The following CEP85L variants were observed in gnomAD, a reference collection of about 807,000 sequenced individuals.
CEP85L encodes centrosomal protein 85L.
CEP85L carries 60 observed loss-of-function variants against 100.3 expected under a neutral mutation model. That is an observed-to-expected ratio of 0.60 (90% CI 0.49 to 0.74). The LOEUF (loss-of-function observed/expected upper bound fraction) is 0.74. Among genes scored for constraint, CEP85L ranks in the 30% least tolerant of loss-of-function variants. The pLI is 0.00. For synonymous variants in CEP85L, 319 were observed against 322.7 expected (o/e 0.99, Z 0.12); for missense variants, 973 against 936.2 (o/e 1.04, Z -0.51).
intron 2 of CEP85L, among the ~76,000 whole-genome samples, chr6:118,593,679 T>G (rs1260953903): frequency 8.6e-6 from 1 of 115,968 alleles, no homozygotes; most frequent in Non-Finnish European, 2.0e-5. Context: ...GCAATAATGC[T>G]GTTTAAAAAA....
chr6:118,655,108 G>C (rs568336616), upstream of CEP85L, among the ~76,000 whole-genome samples: 2 of 152,208 alleles, frequency 1.3e-5, no homozygotes, highest in African/African-American at 4.8e-5. Context: ...TTCATTCTAG[G>C]CTGTGATTTC....
intron 1 of CEP85L, among the ~76,000 whole-genome samples, chr6:118,695,417 T>C (rs776521024): frequency 6.6e-6 from 1 of 152,248 alleles, no homozygotes. Flanking sequence ...TTGGTTGATA[T>C]TTCAGAGCAG....
chr6:118,619,010 G>A (rs957113393), intron 2 of CEP85L, among the ~76,000 whole-genome samples: 10 of 151,726 alleles, frequency 6.6e-5, no homozygotes, highest in Middle Eastern at 3.2e-3. Context: ...CCATTCTGCC[G>A]GTAAGCGTGG....
intron 2 of CEP85L, among the ~76,000 whole-genome samples, chr6:118,623,648 G>A (rs926020343): frequency 3.9e-5 from 6 of 152,232 alleles, no homozygotes; most frequent in Middle Eastern, 3.4e-3. Flanking sequence ...TTAAGAATCC[G>A]AAATTCCCCT....
intron 7 of CEP85L, 99 bp from the exon 8 acceptor site, chr6:118,482,032 TAAAAAA>T (rs35791512): frequency 6.3e-4 from 224 of 355,184 alleles, no homozygotes; most frequent in South Asian, 8.1e-4. Flanking sequence ...GACTTGTAGC[TAAAAAA>T]AAAAAAAAAA....
At chr6:118,586,327 G>A (rs147396124) in intron 2 of CEP85L, among the ~76,000 whole-genome samples, 212 of 152,196 alleles carry the variant, frequency 1.4e-3, no homozygotes, top group African/African-American at 4.7e-3. Context: ...CTATTAGATC[G>A]GGAAACCTCT....
chr6:118,650,102 T>C (rs946485663), intron 1 of CEP85L, among the ~76,000 whole-genome samples: 39 of 152,154 alleles, frequency 2.6e-4, no homozygotes, highest in Non-Finnish European at 4.7e-4. Context: ...GCTTTGGAAA[T>C]GTATGCAAAA....
At position 118,525,299 on chromosome 6, in the gene CEP85L, G is replaced by A. The variant is rs555325501; in HGVS notation, c.1021-1379C>T. On this transcript the variant is annotated intron_variant, in intron 3 of 12. Transcript: ENST00000368491. The stretch of plus-strand genomic sequence containing the variant: ...TGGCAGATATCCTTATATTTCTTCC[G>A]TTGAAAAAGCAGCAAACATTTAAAA... Among the ~76,000 whole-genome samples, 74 of 152,228 alleles carry A rather than the reference G, an allele frequency of 4.9e-4. No individual in the cohort carries two copies. In the South Asian group the frequency reaches 7.5e-3, roughly 15 times the overall value.
intron 3 of CEP85L, among the ~76,000 whole-genome samples, chr6:118,537,249 G>C (rs1316519748): frequency 2.6e-5 from 4 of 152,014 alleles, no homozygotes; most frequent in Non-Finnish European, 5.9e-5. Context: ...AATGTAAAAG[G>C]TAGTTATAAA....
intron 2 of CEP85L, chr6:118,589,140 C>A: frequency 3.5e-6 from 1 of 284,526 alleles, no homozygotes; most frequent in Non-Finnish European, 7.4e-6. Flanking sequence ...AAACACAAGG[C>A]CTTCAATGAT....
chr6:118,471,498 C>G (rs756868504), intron 10 of CEP85L, among the ~76,000 whole-genome samples: 15 of 151,886 alleles, frequency 9.9e-5, no homozygotes, highest in Non-Finnish European at 1.9e-4. Flanking sequence ...AAATAGCACA[C>G]AATCTACTAT....
At chr6:118,605,591 T>TAA (rs1383315566) in intron 2 of CEP85L, among the ~76,000 whole-genome samples, 4 of 152,198 alleles carry the variant, frequency 2.6e-5, no homozygotes, top group Non-Finnish European at 4.4e-5. Context: ...CATGTGCTTT[T>TAA]AATTCCTGGG....
At chr6:118,582,690 A>C (rs1485887897) in intron 2 of CEP85L, among the ~76,000 whole-genome samples, 1 of 152,248 alleles carries the variant, frequency 6.6e-6, no homozygotes, top group East Asian at 1.9e-4. Flanking sequence ...ATGATAGACC[A>C]GATGAGAATC....
intron 1 of CEP85L, among the ~76,000 whole-genome samples, chr6:118,705,341 A>C (rs1344561291): frequency 6.6e-6 from 1 of 152,192 alleles, no homozygotes; most frequent in African/African-American, 2.4e-5. Context: ...AACACTAAAT[A>C]AGCACAAAAT....
At chr6:118,674,796 T>A (rs1400657003) in intron 1 of CEP85L, among the ~76,000 whole-genome samples, 4 of 152,182 alleles carry the variant, frequency 2.6e-5, no homozygotes, top group Non-Finnish European at 4.4e-5. Context: ...CTATCATTTT[T>A]AAAAAAGACA....
chr6:118,496,632 C>T (rs1296696091), intron 5 of CEP85L, among the ~76,000 whole-genome samples: 2 of 152,114 alleles, frequency 1.3e-5, no homozygotes, highest in Non-Finnish European at 2.9e-5. Context: ...GGATTACAGG[C>T]GTGAGCCACT....
chr6:118,701,090 G>A (rs1430404116), intron 1 of CEP85L, among the ~76,000 whole-genome samples: 1 of 152,166 alleles, frequency 6.6e-6, no homozygotes, highest in Admixed American at 6.5e-5. Flanking sequence ...CATTCAGAGT[G>A]ATTTGCCATT....
rs766202065 is a variant in CEP85L, at chr6:118,511,367, T to C, written c.1188A>G (p.Glu396=). 1.2e-6 allele frequency: 2 copies of C among 1,613,268 alleles called. No individual in the cohort carries two copies. The stretch of plus-strand genomic sequence containing the variant: ...CTAACATGGCATGTTGAGCCCGTAA[T>C]TCATTATCCCTTATCCTCTCATGCA... ...THLHERIRDN[E]LRAQHAMLGH... Residue 396 remains glutamate (E), a synonymous_variant, in exon 5 of 13, where the codon GAA becomes GAG. Transcript: ENST00000368491.
intron 2 of CEP85L, among the ~76,000 whole-genome samples, chr6:118,628,295 T>C (rs1773931532): frequency 6.6e-6 from 1 of 152,120 alleles, no homozygotes; most frequent in African/African-American, 2.4e-5. Context: ...GTAAAGGCTT[T>C]AATTGAAAAA....
Sources: gnomAD v4.1 joint callset for allele counts (sites outside exome capture counted in the v4.1 genomes callset) on GRCh38, gnomAD v4.1.1 for gene constraint, MANE v1.5 for transcripts, NCBI Gene and HGNC (gene_info 2026-07-23, HGNC 2026-07-21) for gene names.